TRHDE: variants seen among roughly 807,000 people sequenced by gnomAD.
TRHDE encodes the protein thyrotropin releasing hormone degrading enzyme.
In TRHDE, 72 loss-of-function variants were observed where a neutral mutation model predicts 125.7. The ratio of observed to expected loss-of-function variants is 0.57; its 90% CI spans 0.47 to 0.70. The LOEUF is 0.70. Among genes scored for constraint, TRHDE ranks in the 30% least tolerant of loss-of-function variants. The probability of loss-of-function intolerance (pLI) is 0.00; values close to 1 mark genes in which losing one functional copy is unlikely to be tolerated. For synonymous variants in TRHDE, 509 were observed against 509.1 expected (o/e 1.00, Z 0.00); for missense variants, 1,110 against 1,327.1 (o/e 0.84, Z 2.54).
At chr12:72,346,452 T>C (rs1870332055) in intron 2 of TRHDE, among the ~76,000 whole-genome samples, 1 of 141,794 alleles carries the variant, frequency 7.1e-6, no homozygotes, top group South Asian at 2.4e-4. Flanking sequence ...CTGTTGGGTC[T>C]GTCTGCCCAT....
At chr12:72,267,355 A>G (rs956946139) in intron 2 of TRHDE, among the ~76,000 whole-genome samples, 11 of 152,098 alleles carry the variant, frequency 7.2e-5, no homozygotes, top group African/African-American at 2.4e-4. Flanking sequence ...TTGAGATACT[A>G]ATTCTCTCTT....
intron 3 of TRHDE, among the ~76,000 whole-genome samples, chr12:72,436,459 A>G (rs1049321947): frequency 6.6e-6 from 1 of 151,960 alleles, no homozygotes; most frequent in Non-Finnish European, 1.5e-5. Flanking sequence ...TGTTCTTCAT[A>G]TAAAGACATT....
At position 72,499,548 on chromosome 12, in the gene TRHDE, C is replaced by T. The variant is rs748939724; in HGVS notation, c.1635C>T (p.Asp545=). The change falls in exon 6 of 19, where the codon GAC becomes GAT. Residue 545 remains aspartate (D), a synonymous_variant. Coordinates refer to ENST00000261180, the MANE Select transcript of TRHDE (RefSeq NM_013381.3). ...TDVLHEVMLL[D]GLASSHPVSQ... is the part of the protein sequence containing the mutation. Reference sequence around the variant, plus strand: ...TTCTGCATGAAGTGATGCTGCTGGACGGTTTGGCCAGTTCCCATCCAGTAT... The same window carrying T: ...TTCTGCATGAAGTGATGCTGCTGGATGGTTTGGCCAGTTCCCATCCAGTAT... The T allele has an allele frequency of 1.1e-5, 17 of 1,613,674 alleles. No homozygotes were observed. In the East Asian group the frequency reaches 1.1e-4, roughly 11 times the overall value.
chr12:72,447,279 C>T (rs965690732), intron 3 of TRHDE, among the ~76,000 whole-genome samples: 5 of 152,064 alleles, frequency 3.3e-5, no homozygotes, highest in Non-Finnish European at 7.4e-5. Context: ...GGGTACATAA[C>T]GAAATGAAGG....
At chr12:72,512,420 AATATATATTATATAATAT>A (rs1192544383) in intron 6 of TRHDE, among the ~76,000 whole-genome samples, 1 of 113,724 alleles carries the variant, frequency 8.8e-6, no homozygotes, top group Non-Finnish European at 1.6e-5. Context: ...ATAACTATAT[AATATATATTATATAATAT>A]GTTATAATTA....
intron 3 of TRHDE, among the ~76,000 whole-genome samples, chr12:72,459,388 G>A (rs1242172035): frequency 6.6e-6 from 1 of 152,084 alleles, no homozygotes; most frequent in Admixed American, 6.6e-5. Context: ...ATCCACAATA[G>A]CTAACAGTTA....
intron 3 of TRHDE, among the ~76,000 whole-genome samples, chr12:72,390,387 G>A (rs1872574346): frequency 6.6e-6 from 1 of 152,104 alleles, no homozygotes. Flanking sequence ...TTTCATTAAA[G>A]TCTAGCTGGG....
intron 2 of TRHDE, among the ~76,000 whole-genome samples, chr12:72,174,250 A>G (rs977610789): frequency 4.6e-5 from 7 of 152,186 alleles, no homozygotes; most frequent in Non-Finnish European, 1.0e-4. Context: ...GGTCATCTAG[A>G]CTATATAATT....
intron 6 of TRHDE, among the ~76,000 whole-genome samples, chr12:72,520,446 A>T (rs1234800730): frequency 6.6e-6 from 1 of 152,092 alleles, no homozygotes; most frequent in Non-Finnish European, 1.5e-5. Context: ...AGGAAAGGGA[A>T]CTCCCTGACC....
intron 1 of TRHDE, among the ~76,000 whole-genome samples, chr12:72,092,701 T>C (rs1394987771): frequency 1.3e-5 from 2 of 152,250 alleles, no homozygotes; most frequent in Non-Finnish European, 2.9e-5. Flanking sequence ...TCTAGGGGCA[T>C]GTGCTTTCCC....
At chr12:72,586,694 G>T (rs1309811618) in intron 12 of TRHDE, among the ~76,000 whole-genome samples, 1 of 151,560 alleles carries the variant, frequency 6.6e-6, no homozygotes, top group Non-Finnish European at 1.5e-5. Flanking sequence ...GGTAGCAGAG[G>T]TTTCCTGTTG....
intron 7 of TRHDE, among the ~76,000 whole-genome samples, chr12:72,546,235 A>G (rs1279861707): frequency 6.6e-6 from 1 of 151,678 alleles, no homozygotes; most frequent in Non-Finnish European, 1.5e-5. Context: ...TTTTGGATAC[A>G]TTGATTCAAA....
chr12:72,258,911 A>G (rs1420784038), intron 2 of TRHDE, among the ~76,000 whole-genome samples: 4 of 152,132 alleles, frequency 2.6e-5, no homozygotes, highest in African/African-American at 2.4e-5. Context: ...ATTGCATTTG[A>G]TTAGGTGACA....
In TRHDE at chr12:72,142,107, T is replaced by A. The variant is rs768444148; in HGVS notation, n.279+36355T>A. Reference sequence around the variant, plus strand: ...AAAAAAAGAAATCTTCAGATGGGCATGCATACAATTTCCTAAACACACCGT... The same window carrying A: ...AAAAAAAGAAATCTTCAGATGGGCAAGCATACAATTTCCTAAACACACCGT... On this transcript the variant is annotated intron_variant and non_coding_transcript_variant, in intron 2 of 4. Transcript: ENST00000548156. Among the ~76,000 whole-genome samples the A allele has an allele frequency of 2.0e-3, 293 of 149,834 alleles. 2 individuals are homozygous for A. Among genetic ancestry groups the A allele is most frequent in the Non-Finnish European group, 2.3e-3 (158 of 67,656 alleles).
chr12:72,283,527 G>A (rs1879770822), intron 1 of TRHDE, among the ~76,000 whole-genome samples: 1 of 152,106 alleles, frequency 6.6e-6, no homozygotes, highest in Non-Finnish European at 1.5e-5. Context: ...CTGTGTGTAT[G>A]AATTCATTAA....
intron 2 of TRHDE, among the ~76,000 whole-genome samples, chr12:72,308,710 A>G (rs894177084): frequency 6.6e-6 from 1 of 152,178 alleles, no homozygotes; most frequent in Non-Finnish European, 1.5e-5. Flanking sequence ...ATAAATGTCC[A>G]ATTAAGTATT....
intron 2 of TRHDE, among the ~76,000 whole-genome samples, chr12:72,126,830 T>A (rs1282176924): frequency 6.6e-6 from 1 of 152,064 alleles, no homozygotes; most frequent in African/African-American, 2.4e-5. Context: ...AATTGTGACA[T>A]AACTGAAAAT....
intron 2 of TRHDE, among the ~76,000 whole-genome samples, chr12:72,208,131 C>G (rs146736955): frequency 0.012 from 1,817 of 152,226 alleles, 40 homozygotes; most frequent in African/African-American, 0.041. Context: ...TAGCTTCTAC[C>G]TTCAACCTTC....
intron 3 of TRHDE, among the ~76,000 whole-genome samples, chr12:72,397,289 C>G (rs568052205): frequency 6.6e-6 from 1 of 152,170 alleles, no homozygotes; most frequent in Admixed American, 6.5e-5. Flanking sequence ...TCCACATTTT[C>G]GCTGCTATTC....
Sources: allele counts gnomAD v4.1 joint callset (sites outside exome capture counted in the v4.1 genomes callset), GRCh38; gene constraint gnomAD v4.1.1; transcripts MANE v1.5; gene names NCBI Gene and HGNC (gene_info 2026-07-23, HGNC 2026-07-21).